NUP42: variants seen among roughly 807,000 people sequenced by gnomAD.
NUP42 encodes nucleoporin NUP42.
A neutral mutation model predicts 35.9 loss-of-function variants in NUP42; 47 were observed. The observed-to-expected ratio is 1.31, with a 90% CI of 1.04 to 1.67. The LOEUF is 1.67. Ranked by LOEUF, NUP42 falls within the 40% of genes most tolerant of loss-of-function variation. The pLI, the probability that NUP42 is intolerant of heterozygous loss-of-function variation, is 0.00. For synonymous variants in NUP42, 173 were observed against 173.3 expected (o/e 1.00, Z 0.01); for missense variants, 514 against 492.2 (o/e 1.04, Z -0.42).
intron 3 of NUP42, among the ~76,000 whole-genome samples, chr7:23,188,994 T>C (rs1785696960): frequency 6.6e-6 from 1 of 152,224 alleles, no homozygotes; most frequent in South Asian, 2.1e-4. Context: ...TTGTTAACCC[T>C]TGACCCTGAG....
intron 3 of NUP42, chr7:23,194,666 CCA>C (rs1785947009): frequency 7.1e-6 from 1 of 140,596 alleles, no homozygotes; most frequent in African/African-American, 3.3e-5. Flanking sequence ...CGGCTGTAAT[CCA>C]GTTTTTTTTG....
intron 1 of NUP42, among the ~76,000 whole-genome samples, chr7:23,184,815 G>A (rs79058248): frequency 0.026 from 4,011 of 152,136 alleles, 179 homozygotes; most frequent in African/African-American, 0.091. Flanking sequence ...GACCAACCCC[G>A]GGCAATATGG....
intron 3 of NUP42, 162 bp from the exon 4 acceptor site, chr7:23,195,677 C>A: frequency 2.0e-6 from 1 of 508,708 alleles, no homozygotes; most frequent in Non-Finnish European, 3.4e-6. Flanking sequence ...TGTAATTTTA[C>A]ACTTTATTAA....
chr7:23,196,483 T>C, intron 4 of NUP42, 197 bp from the exon 5 acceptor site: 1 of 522,578 alleles, frequency 1.9e-6, no homozygotes, highest in East Asian at 3.3e-5. Context: ...ATACAAGGAG[T>C]TGAACGGGAG....
chr7:23,186,465 C>T (rs1785600027), intron 2 of NUP42, among the ~76,000 whole-genome samples: 1 of 152,042 alleles, frequency 6.6e-6, no homozygotes, highest in Non-Finnish European at 1.5e-5. Context: ...CCGAATCTAC[C>T]CACGGCATTA....
chr7:23,199,585 T>A (rs1195292945), intron 6 of NUP42, 43 bp downstream of exon 6: 1 of 1,503,330 alleles, frequency 6.7e-7, no homozygotes. Context: ...TTTAGAAAAA[T>A]TAGATTTTAT....
chr7:23,199,395 T>C (rs1407932641), intron 5 of NUP42, 63 bp from the exon 6 acceptor site: 23 of 1,330,988 alleles, frequency 1.7e-5, no homozygotes, highest in Non-Finnish European at 2.3e-5. Context: ...ATAAAGTGTA[T>C]AGAAAAGATA....
intron 3 of NUP42, among the ~76,000 whole-genome samples, chr7:23,192,246 G>A (rs1382848006): frequency 2.0e-5 from 3 of 151,946 alleles, no homozygotes; most frequent in East Asian, 1.9e-4. Context: ...AAAAGAAAAT[G>A]TTAAGAAAAT....
chr7:23,185,828 C>T (rs1415711087), intron 2 of NUP42, among the ~76,000 whole-genome samples: 2 of 152,212 alleles, frequency 1.3e-5, no homozygotes, highest in Non-Finnish European at 2.9e-5. Context: ...CAGCCTCCGC[C>T]TTCTGGGCTC....
intron 3 of NUP42, among the ~76,000 whole-genome samples, chr7:23,189,569 G>A (rs1785718197): frequency 1.3e-5 from 2 of 152,238 alleles, no homozygotes; most frequent in South Asian, 4.1e-4. Flanking sequence ...GAGCTCTGAT[G>A]GTGCCACCAC....
At chr7:23,191,581 T>C (rs909273897) in intron 3 of NUP42, among the ~76,000 whole-genome samples, 3 of 152,252 alleles carry the variant, frequency 2.0e-5, no homozygotes, top group African/African-American at 2.4e-5. Flanking sequence ...TTTCCTTTAC[T>C]CTGAAGCAGG....
intron 3 of NUP42, among the ~76,000 whole-genome samples, chr7:23,187,646 C>T (rs1321564510): frequency 1.5e-5 from 2 of 137,698 alleles, no homozygotes; most frequent in African/African-American, 5.6e-5. Context: ...CACTCTTGTC[C>T]TCCAGGCTGG....
At chr7:23,185,353 A>G (rs1460486366) in intron 2 of NUP42, 55 bp downstream of exon 2, 4 of 1,177,592 alleles carry the variant, frequency 3.4e-6, no homozygotes, top group East Asian at 2.4e-5. Flanking sequence ...TTTTTCACCT[A>G]CAATCTTTGT....
rs903111191 is a variant in NUP42 at position 23,199,296 on chromosome 7, C to A, written c.610-162C>A. The A allele has an allele frequency of 1.2e-4, 71 of 580,402 alleles. 1 individual carries two copies. In the East Asian group the frequency reaches 2.1e-3, roughly 17 times the overall value. 36.0% of individuals were successfully genotyped at this position (580,402 alleles called of 1,614,324 possible). On this transcript the variant is annotated intron_variant, in intron 5 of 6. Transcript: ENST00000258742. ...CAGACTCATAGGCTCAAGCCCTTCA[C>A]CCTCCTCAGCCTCCCAAAGTGCTAG...
At position 23,200,966 on chromosome 7, in the gene NUP42, A is replaced by C. The variant is rs1786207463; in HGVS notation, c.*221A>C. On this transcript the variant is annotated 3_prime_UTR_variant, in exon 7 of 7. Coordinates refer to ENST00000258742, the MANE Select transcript of NUP42 (RefSeq NM_007342.3). ...TTTTTGTACTGTAATTTTGAATGGA[A>C]CTGAAAAATTATGCACGAATAAAGT... 1 of 297,738 alleles carries C rather than the reference A, an allele frequency of 3.4e-6. No homozygotes were observed. Among genetic ancestry groups the C allele is most frequent in the Non-Finnish European group, 6.1e-6 (1 of 163,836 alleles). 18.4% of individuals were successfully genotyped at this position (297,738 alleles called of 1,614,324 possible). A position where few individuals can be genotyped will look rare whatever the true frequency, so the allele number is the denominator to read the frequency against.
intron 3 of NUP42, 113 bp downstream of exon 3, chr7:23,187,259 T>C (rs1785625540): frequency 1.5e-6 from 1 of 681,366 alleles, no homozygotes; most frequent in South Asian, 1.9e-5. Flanking sequence ...CTAGGAGAGT[T>C]TGGGCATTGT....
chr7:23,196,581 C>T, intron 4 of NUP42, 99 bp from the exon 5 acceptor site: 1 of 866,892 alleles, frequency 1.2e-6, no homozygotes, highest in Non-Finnish European at 1.8e-6. Context: ...TTACATAAAC[C>T]TTTTGTGATT....
chr7:23,185,808 C>T (rs144460857), intron 2 of NUP42, among the ~76,000 whole-genome samples: 9,351 of 152,230 alleles, frequency 0.061, 425 homozygotes, highest in Non-Finnish European at 0.095. Context: ...GGTACAATCT[C>T]GGCTCGCTGC....
At chr7:23,196,639 A>G (rs1258380890) in intron 4 of NUP42, 41 bp from the exon 5 acceptor site, 2 of 1,356,378 alleles carry the variant, frequency 1.5e-6, no homozygotes, top group Non-Finnish European at 2.1e-6. Flanking sequence ...TAACTTAAAC[A>G]TACAATATTG....
Sources: gnomAD v4.1 joint callset for allele counts (sites outside exome capture counted in the v4.1 genomes callset) on GRCh38, gnomAD v4.1.1 for gene constraint, MANE v1.5 for transcripts, NCBI Gene and HGNC (gene_info 2026-07-23, HGNC 2026-07-21) for gene names.